Variants in WDR49 observed in about 807,000 individuals in gnomAD.
WDR49 encodes the protein cilia- and flagella-associated protein 337.
Under a neutral mutation model 119.5 loss-of-function variants are expected in WDR49, and 107 were observed. The observed-to-expected ratio is 0.90, with a 90% CI of 0.77 to 1.05. The LOEUF (loss-of-function observed/expected upper bound fraction) is 1.05, where lower values mean the gene tolerates loss of function less well. WDR49 is among the 50% of genes least tolerant of loss of function. The pLI is 0.00. For synonymous variants in WDR49, 425 were observed against 418.8 expected (o/e 1.01, Z -0.18); for missense variants, 1,240 against 1,220.5 (o/e 1.02, Z -0.24).
At chr3:167,638,386 G>T in intron 2 of WDR49, among the ~76,000 whole-genome samples, 1 of 151,450 alleles carries the variant, frequency 6.6e-6, no homozygotes, top group Admixed American at 6.6e-5. Context: ...AATGTTCCAT[G>T]ACAGCTGAAT....
chr3:167,532,738 A>G (rs1752893862), intron 12 of WDR49, 141 bp downstream of exon 12: 1 of 546,452 alleles, frequency 1.8e-6, no homozygotes, highest in Non-Finnish European at 3.2e-6. Flanking sequence ...TACTTTGGCA[A>G]GACAATGATA....
chr3:167,604,307 A>C lies in WDR49; in HGVS notation c.1120T>G (p.Leu374Val). The C allele has an allele frequency of 6.2e-7, 1 of 1,613,402 alleles. No homozygotes were observed. Among genetic ancestry groups the C allele is most frequent in the East Asian group, 2.2e-5 (1 of 44,822 alleles). Residue 374 changes from leucine (L) to valine (V), a missense_variant, in exon 6 of 19, where the codon TTA becomes GTA. By Grantham distance (32) the Leu-to-Val change is conservative (BLOSUM62 1). Coordinates refer to ENST00000682715, the MANE Select transcript of WDR49 (RefSeq NM_001366157.1). ...HAFDYHSRLN[L>V]IATAGINNKV... Reference sequence around the variant, plus strand: ...CATGATTTATTTTACCTACCAATTAAATTGAGCCGAGAGTGATAATCAAAA... The same window carrying C: ...CATGATTTATTTTACCTACCAATTACATTGAGCCGAGAGTGATAATCAAAA...
rs149575150 is a variant in WDR49, at chr3:167,531,521, A to G, written c.2054-242T>C. On this transcript the variant is annotated intron_variant, in intron 12 of 18. Transcript: ENST00000682715. ...CTTGCTCTGTTTTCACTTGATATGA[A>G]TTAAGTAAGAACTTAATATTGGCAT... Among the ~76,000 whole-genome samples, 98 of 152,238 alleles carry G rather than the reference A, an allele frequency of 6.4e-4. 2 individuals are homozygous for G. In the East Asian group the frequency reaches 0.018, roughly 28 times the overall value.
intron 11 of WDR49, among the ~76,000 whole-genome samples, chr3:167,536,656 G>T (rs1753040150): frequency 6.8e-6 from 1 of 146,496 alleles, no homozygotes; most frequent in Admixed American, 6.9e-5. Flanking sequence ...CTCTAGCCTG[G>T]GCAACAGAGT....
chr3:167,511,958 C>T (rs1038263034), intron 16 of WDR49, among the ~76,000 whole-genome samples: 1 of 152,088 alleles, frequency 6.6e-6, no homozygotes, highest in African/African-American at 2.4e-5. Flanking sequence ...ACTCTGATCT[C>T]TCTGGAATGG....
chr3:167,555,047 C>T (rs1179487215), intron 9 of WDR49, among the ~76,000 whole-genome samples: 2 of 152,142 alleles, frequency 1.3e-5, no homozygotes, highest in Non-Finnish European at 1.5e-5. Flanking sequence ...ATGCTAATGA[C>T]ATGACTCCAG....
chr3:167,615,607 A>G (rs1416354109), intron 5 of WDR49, among the ~76,000 whole-genome samples: 1 of 152,104 alleles, frequency 6.6e-6, no homozygotes, highest in Non-Finnish European at 1.5e-5. Context: ...TTGCTCTTCA[A>G]TCAAAACATA....
At chr3:167,523,108 A>T (rs1379779403) in intron 15 of WDR49, among the ~76,000 whole-genome samples, 1 of 152,152 alleles carries the variant, frequency 6.6e-6, no homozygotes. Context: ...CCTGTGAGAT[A>T]TGAGGGGAAC....
intron 7 of WDR49, among the ~76,000 whole-genome samples, chr3:167,595,923 T>TTC (rs1560303969): frequency 6.8e-6 from 1 of 148,000 alleles, no homozygotes; most frequent in African/African-American, 2.5e-5. Context: ...ACCATCAGAG[T>TTC]GAACAGGCAA....
Position 167,478,785 on chromosome 3 carries a change from A to T in WDR49, c.*93T>A. The T allele has an allele frequency of 3.5e-6, 3 of 858,966 alleles. No homozygotes were observed. The highest frequency in any genetic ancestry group is 5.3e-6 in the Non-Finnish European group (3 of 569,978). The allele number at this position is 858,966 out of a possible 1,614,324, so 53.2% of individuals were successfully genotyped here. A position where few individuals can be genotyped will look rare whatever the true frequency, so the allele number is the denominator to read the frequency against. ...ATGAAGAGAAAACTTCCTGAAGTTTAAATATAAAATAAAATAAAAGGCAGA... is the reference window on the plus strand; with the variant it reads ...ATGAAGAGAAAACTTCCTGAAGTTTTAATATAAAATAAAATAAAAGGCAGA... On this transcript the variant is annotated 3_prime_UTR_variant, in exon 19 of 19. Transcript: ENST00000682715.
At chr3:167,571,873 C>T (rs1166444678) in intron 8 of WDR49, among the ~76,000 whole-genome samples, 3 of 152,062 alleles carry the variant, frequency 2.0e-5, no homozygotes, top group Non-Finnish European at 2.9e-5. Flanking sequence ...TTTGATGACA[C>T]CTAAATGTCT....
At chr3:167,642,918 G>T (rs1235328168) in intron 2 of WDR49, among the ~76,000 whole-genome samples, 1 of 151,880 alleles carries the variant, frequency 6.6e-6, no homozygotes, top group African/African-American at 2.4e-5. Context: ...TAGAATAAAC[G>T]AAGCCATAAA....
chr3:167,528,117 C>A, intron 14 of WDR49, 100 bp from the exon 15 acceptor site: 1 of 966,340 alleles, frequency 1.0e-6, no homozygotes. Context: ...AACTTGGGAA[C>A]AATAACCTAT....
chr3:167,588,735 T>G lies in WDR49; in HGVS notation c.1276-12584A>C, dbSNP rs546423342. On this transcript the variant is annotated intron_variant, in intron 7 of 18. Transcript: ENST00000682715. ...TCATATGCCTGTTTGCCATTTGTCT[T>G]TTTTTGAGAAATGTCTGTTCAGGTA... Among the ~76,000 whole-genome samples the G allele has an allele frequency of 2.0e-5, 3 of 152,264 alleles. No homozygotes were observed. In the South Asian group the frequency reaches 6.2e-4, roughly 32 times the overall value.
chr3:167,553,368 T>C (rs769419758), intron 10 of WDR49, among the ~76,000 whole-genome samples: 1 of 152,010 alleles, frequency 6.6e-6, no homozygotes, highest in Non-Finnish European at 1.5e-5. Flanking sequence ...CCAACATAGA[T>C]AGAATAATAG....
At chr3:167,510,406 C>T (rs1751926182) in intron 16 of WDR49, among the ~76,000 whole-genome samples, 1 of 152,076 alleles carries the variant, frequency 6.6e-6, no homozygotes, top group Non-Finnish European at 1.5e-5. Flanking sequence ...AAATATATGT[C>T]CACTGTAGTT....
At chr3:167,580,582 T>C (rs1714482186) in intron 7 of WDR49, among the ~76,000 whole-genome samples, 1 of 152,196 alleles carries the variant, frequency 6.6e-6, no homozygotes, top group South Asian at 2.1e-4. Context: ...AAAAGAAATC[T>C]TTCCCTCAGC....
chr3:167,651,205 C>T (rs1214459001), intron 2 of WDR49, among the ~76,000 whole-genome samples: 2 of 151,946 alleles, frequency 1.3e-5, no homozygotes, highest in African/African-American at 4.8e-5. Context: ...TAATATCTGA[C>T]AACTCTTCAG....
At position 167,522,310 on chromosome 3, in the gene WDR49, C is replaced by T; in HGVS notation, c.2774+5G>A. The T allele has an allele frequency of 1.3e-6, 2 of 1,568,716 alleles. No individual in the cohort carries two copies. The highest frequency in any genetic ancestry group is 2.3e-5 in the East Asian group (1 of 43,836). On this transcript the variant is annotated splice_donor_5th_base_variant and intron_variant, in intron 16 of 18. Transcript: ENST00000682715. ...GACATCTGGCTAATGTTCAAAATTA[C>T]TTACTTGTATGTTGAGTCATCTTTG...
Sources: gnomAD v4.1 joint callset for allele counts (sites outside exome capture counted in the v4.1 genomes callset) on GRCh38, gnomAD v4.1.1 for gene constraint, MANE v1.5 for transcripts, NCBI Gene and HGNC (gene_info 2026-07-23, HGNC 2026-07-21) for gene names.